ANKRD24: variants seen among roughly 807,000 people sequenced by gnomAD.
The protein encoded by ANKRD24 is ankyrin repeat domain 24, also known as ankyrin repeat domain-containing protein 24.
Under a neutral mutation model 127.8 loss-of-function variants are expected in ANKRD24, and 109 were observed. That is an observed-to-expected ratio of 0.85 (90% CI 0.73 to 1.00). ANKRD24 has a LOEUF of 1.00. ANKRD24 is among the 50% of genes least tolerant of loss of function. The probability of loss-of-function intolerance (pLI) is 0.00; values close to 1 mark genes in which losing one functional copy is unlikely to be tolerated. For synonymous variants in ANKRD24, 743 were observed against 671.1 expected (o/e 1.11, Z -1.66); for missense variants, 1,648 against 1,570.2 (o/e 1.05, Z -0.84).
chr19:4,212,820 C>T (rs1037150421), intron 15 of ANKRD24, 122 bp downstream of exon 15: 3 of 872,036 alleles, frequency 3.4e-6, no homozygotes, highest in African/African-American at 3.4e-5. Flanking sequence ...ACACACGCAC[C>T]AGACACATGC....
At chr19:4,205,768 A>G (rs1051721103) in intron 7 of ANKRD24, among the ~76,000 whole-genome samples, 11 of 152,150 alleles carry the variant, frequency 7.2e-5, no homozygotes, top group African/African-American at 2.7e-4. Flanking sequence ...GAATCGCTGG[A>G]ACCGGGGAGG....
At chr19:4,206,860 C>T (rs1055497567) in intron 7 of ANKRD24, among the ~76,000 whole-genome samples, 4 of 152,056 alleles carry the variant, frequency 2.6e-5, no homozygotes, top group South Asian at 2.1e-4. Flanking sequence ...CAGAAAATGT[C>T]GAAGTCTCAC....
At chr19:4,202,395 C>T (rs1279942588) in intron 6 of ANKRD24, among the ~76,000 whole-genome samples, 1 of 151,972 alleles carries the variant, frequency 6.6e-6, no homozygotes, top group Non-Finnish European at 1.5e-5. Flanking sequence ...ACAGTGAAAC[C>T]CCGTCTCTAC....
Position 4,212,504 on chromosome 19 carries a change from G to A in ANKRD24, c.1089G>A (p.Leu363=). ...CGGAGGCCAGCTCCCTGCACATCCT[G>A]GAGAGACAGGTAGGTGGGAAGGTGG... ...ESPEASSLHI[L]ERQVQELQQL... is the part of the protein sequence containing the mutation. The change falls in exon 14 of 22, where the codon CTG becomes CTA. Residue 363 remains leucine, a synonymous_variant. Coordinates refer to ENST00000318934, the MANE Select transcript of ANKRD24 (RefSeq NM_001393985.1). 8 of 1,565,374 alleles carry A rather than the reference G, an allele frequency of 5.1e-6. No individual in the cohort carries two copies. The highest frequency in any genetic ancestry group is 6.1e-6 in the Non-Finnish European group (7 of 1,156,646).
chr19:4,196,425 G>C (rs1313174428), intron 2 of ANKRD24, among the ~76,000 whole-genome samples: 1 of 152,070 alleles, frequency 6.6e-6, no homozygotes, highest in Non-Finnish European at 1.5e-5. Context: ...ACCCAGGCTG[G>C]AGTGCAGTGA....
chr19:4,216,631 T>G lies in ANKRD24; in HGVS notation c.1471T>G (p.Ser491Ala). 6.2e-7 allele frequency: 1 copy of G among 1,609,242 alleles called. No homozygotes were observed. The highest frequency in any genetic ancestry group is 2.2e-5 in the East Asian group (1 of 44,718). The stretch of plus-strand genomic sequence containing the variant: ...GGTCATCCCTCTTGCCCTCTATGAC[T>G]CTCTCCGGGCCGAGTTTGACCAGCT... ...AEVIPLALYDSLRAEFDQLRR... is the reference protein window; with the variant it reads ...AEVIPLALYDALRAEFDQLRR... Residue 491 changes from serine to alanine, a missense_variant, in exon 18 of 22, where the codon TCT becomes GCT. Ser to Ala is a moderately conservative substitution (Grantham distance 99). Transcript: ENST00000318934.
At position 4,222,809 on chromosome 19, in the gene ANKRD24, C is replaced by T. The variant is rs1363875165; in HGVS notation, c.3297+14C>T. 1 of 1,594,116 alleles carries T rather than the reference C, an allele frequency of 6.3e-7. No homozygotes were observed. Among genetic ancestry groups the T allele is most frequent in the Non-Finnish European group, 8.6e-7 (1 of 1,166,014 alleles). ...CAGCAGCTGCAGGTAAGGACTGGGC[C>T]ACGCAGGGGCCAGGGGACCATCAGG... On this transcript the variant is annotated intron_variant, in intron 20 of 21. Transcript: ENST00000318934.
intron 2 of ANKRD24, among the ~76,000 whole-genome samples, chr19:4,196,375 G>T (rs1968739676): frequency 6.6e-6 from 1 of 151,948 alleles, no homozygotes; most frequent in African/African-American, 2.4e-5. Context: ...GTTTGTTTTT[G>T]TTGTTGTTTA....
At chr19:4,219,327 C>T (rs1238627185) in intron 18 of ANKRD24, among the ~76,000 whole-genome samples, 1 of 151,814 alleles carries the variant, frequency 6.6e-6, no homozygotes. Flanking sequence ...AAATAGTAGC[C>T]AGGCATGGTG....
intron 13 of ANKRD24, 26 bp downstream of exon 13, chr19:4,210,398 G>C: frequency 6.9e-7 from 1 of 1,442,928 alleles, no homozygotes; most frequent in Non-Finnish European, 9.1e-7. Context: ...AGATTTGGGC[G>C]TGGGCCAGCC....
intron 2 of ANKRD24, among the ~76,000 whole-genome samples, chr19:4,196,337 T>TTGG (rs1555712933): frequency 6.6e-6 from 1 of 151,072 alleles, no homozygotes; most frequent in African/African-American, 2.4e-5. Flanking sequence ...AGACCTCGGT[T>TTGG]TTGTTGTTGT....
chr19:4,186,364 C>A, intron 1 of ANKRD24, 26 bp from the exon 2 acceptor site: 1 of 1,556,316 alleles, frequency 6.4e-7, no homozygotes, highest in East Asian at 2.4e-5. Context: ...TGTCCCTCAC[C>A]TTACCCCCAC....
chr19:4,217,843 G>C lies in ANKRD24; in HGVS notation c.2683G>C (p.Ala895Pro), dbSNP rs1380291297. Reference protein sequence around the residue: ...VAELPAACEEARQGLAELREA... With the variant: ...VAELPAACEEPRQGLAELREA... ...TGAGCTGCCTGCGGCCTGCGAGGAG[G>C]CGCGGCAGGGCCTGGCCGAGCTGCG... Residue 895 changes from alanine (A) to proline (P), a missense_variant, in exon 18 of 22, where the codon GCG becomes CCG. Physicochemically the swap from Ala to Pro is conservative, Grantham distance 27 (BLOSUM62 -1). Transcript: ENST00000318934. 16 of 1,436,718 alleles carry C rather than the reference G, an allele frequency of 1.1e-5. No individual in the cohort carries two copies. The highest frequency in any genetic ancestry group is 1.5e-5 in the Non-Finnish European group (16 of 1,100,508). 89.0% of individuals were successfully genotyped at this position (1,436,718 alleles called of 1,614,324 possible).
intron 7 of ANKRD24, among the ~76,000 whole-genome samples, chr19:4,203,732 C>T (rs1476263364): frequency 6.6e-6 from 1 of 151,922 alleles, no homozygotes; most frequent in African/African-American, 2.4e-5. Flanking sequence ...CTGCAACCTC[C>T]ACCTCCCAGG....
chr19:4,194,828 A>G (rs1248045424), intron 2 of ANKRD24, among the ~76,000 whole-genome samples: 2 of 152,138 alleles, frequency 1.3e-5, no homozygotes, highest in Non-Finnish European at 2.9e-5. Flanking sequence ...CACAGTGTGC[A>G]GCCAGTGGGC....
At chr19:4,215,943 A>C in intron 15 of ANKRD24, 35 bp from the exon 16 acceptor site, 7 of 1,540,040 alleles carry the variant, frequency 4.5e-6, no homozygotes, top group Non-Finnish European at 6.2e-6. Flanking sequence ...GGCTGAGAGC[A>C]GAACCCCGAG....
At chr19:4,197,771 G>A (rs1272235517) in intron 2 of ANKRD24, among the ~76,000 whole-genome samples, 2 of 152,166 alleles carry the variant, frequency 1.3e-5, no homozygotes, top group Non-Finnish European at 2.9e-5. Flanking sequence ...GTGAATGAAC[G>A]AATGAACAAG....
chr19:4,216,988 G>C lies in ANKRD24; in HGVS notation c.1828G>C (p.Glu610Gln). The change falls in exon 18 of 22, where the codon GAG becomes CAG. Residue 610 changes from glutamate to glutamine, a missense_variant. Coordinates refer to ENST00000318934, the MANE Select transcript of ANKRD24 (RefSeq NM_001393985.1). ...CACAGGGGCTGAGGTCAGAGAAATGGAGACCACAGAAGAAGAAGCAAACAT... is the reference window on the plus strand; with the variant it reads ...CACAGGGGCTGAGGTCAGAGAAATGCAGACCACAGAAGAAGAAGCAAACAT... ...KPTGAEVREMETTEEEANMET... is the reference protein window; with the variant it reads ...KPTGAEVREMQTTEEEANMET... 1 of 1,613,390 alleles carries C rather than the reference G, an allele frequency of 6.2e-7. No homozygotes were observed. Among genetic ancestry groups the C allele is most frequent in the Non-Finnish European group, 8.5e-7 (1 of 1,179,676 alleles).
chr19:4,191,761 C>T (rs867251218), intron 2 of ANKRD24, among the ~76,000 whole-genome samples: 2 of 149,874 alleles, frequency 1.3e-5, no homozygotes, highest in Non-Finnish European at 3.0e-5. Flanking sequence ...GGATTACAGA[C>T]GTGAACCACC....
Sources: allele counts gnomAD v4.1 joint callset (sites outside exome capture counted in the v4.1 genomes callset), GRCh38; gene constraint gnomAD v4.1.1; transcripts MANE v1.5; gene names NCBI Gene and HGNC (gene_info 2026-07-23, HGNC 2026-07-21).